Variants in CREB3L2 observed in about 807,000 individuals in gnomAD.
CREB3L2 encodes the protein cAMP responsive element binding protein 3 like 2.
Under a neutral mutation model 57.2 loss-of-function variants are expected in CREB3L2, and 23 were observed. The ratio of observed to expected loss-of-function variants is 0.40; its 90% CI spans 0.29 to 0.57. The LOEUF is 0.57. Ranked by LOEUF, CREB3L2 falls within the 20% of genes least tolerant of loss-of-function variation. The pLI is 0.42. For synonymous variants in CREB3L2, 268 were observed against 265.1 expected (o/e 1.01, Z -0.11); for missense variants, 628 against 634.7 (o/e 0.99, Z 0.11).
chr7:137,916,777 AGAGT>A (rs1800144761), intron 2 of CREB3L2, among the ~76,000 whole-genome samples: 1 of 150,798 alleles, frequency 6.6e-6, no homozygotes, highest in Non-Finnish European at 1.5e-5. Flanking sequence ...AGCAAGAGTG[AGAGT>A]GAGAGTGAGA....
At chr7:137,992,706 C>G (rs1454109300) in intron 1 of CREB3L2, among the ~76,000 whole-genome samples, 1 of 152,226 alleles carries the variant, frequency 6.6e-6, no homozygotes, top group Non-Finnish European at 1.5e-5. Flanking sequence ...TCACATTTAA[C>G]AGCTGGTATG....
chr7:137,949,568 C>A (rs755139265), intron 1 of CREB3L2, among the ~76,000 whole-genome samples: 1 of 152,170 alleles, frequency 6.6e-6, no homozygotes, highest in Non-Finnish European at 1.5e-5. Context: ...CCTCTTCCCA[C>A]ACCCCTTTGA....
At chr7:137,987,826 T>C (rs1468112114) in intron 1 of CREB3L2, among the ~76,000 whole-genome samples, 1 of 152,172 alleles carries the variant, frequency 6.6e-6, no homozygotes, top group Non-Finnish European at 1.5e-5. Flanking sequence ...GCTGGGACTA[T>C]AGACATAAGC....
At position 137,925,134 on chromosome 7, in the gene CREB3L2, A is replaced by C. The variant is rs564567494; in HGVS notation, c.319+3016T>G. 4.6e-5 allele frequency among the ~76,000 whole-genome samples: 7 copies of C among 152,240 alleles called. No individual in the cohort carries two copies. In the South Asian group the frequency reaches 1.5e-3, roughly 32 times the overall value. ...AGGATGGAGGGAGGAAGGGAAAGTT[A>C]GGAGGAAAAGGGCAAAGGAGGAAGA... On this transcript the variant is annotated intron_variant, in intron 2 of 11. Transcript: ENST00000330387.
intron 1 of CREB3L2, among the ~76,000 whole-genome samples, chr7:137,973,411 C>T (rs1458153106): frequency 2.0e-5 from 3 of 152,000 alleles, no homozygotes; most frequent in Non-Finnish European, 4.4e-5. Flanking sequence ...GACAGCGGCC[C>T]ACCGGCGCCT....
At chr7:137,969,761 A>AACACAC (rs66931280) in intron 1 of CREB3L2, among the ~76,000 whole-genome samples, 1,325 of 103,644 alleles carry the variant, frequency 0.013, 33 homozygotes, top group African/African-American at 0.036. Flanking sequence ...AGGGTCATCA[A>AACACAC]ACACACACAC....
At chr7:137,965,343 G>A (rs1436449838) in intron 1 of CREB3L2, among the ~76,000 whole-genome samples, 5 of 152,198 alleles carry the variant, frequency 3.3e-5, no homozygotes, top group South Asian at 2.1e-4. Flanking sequence ...ATTTACACTC[G>A]TTGAGGAAAA....
intron 2 of CREB3L2, among the ~76,000 whole-genome samples, chr7:137,920,310 C>A (rs1800245720): frequency 6.6e-6 from 1 of 152,108 alleles, no homozygotes. Context: ...TGTAGTTTTG[C>A]CATCAGCATG....
At chr7:137,885,975 T>C (rs1482213281) in intron 8 of CREB3L2, among the ~76,000 whole-genome samples, 3 of 152,172 alleles carry the variant, frequency 2.0e-5, no homozygotes, top group Non-Finnish European at 4.4e-5. Context: ...ATTCGTGCCC[T>C]TATAAGGAGC....
rs917231419 is a variant in CREB3L2 at position 137,877,376 on chromosome 7, T to C, written c.*3100A>G. ...GAGCAACCTAGTTCAGCTGTCGGAT[T>C]TTTATATAACACTCTCTTTATGTGA... On this transcript the variant is annotated 3_prime_UTR_variant, in exon 12 of 12. Coordinates refer to ENST00000330387, the MANE Select transcript of CREB3L2 (RefSeq NM_194071.4). 17 of 226,746 alleles carry C rather than the reference T, an allele frequency of 7.5e-5. No individual in the cohort carries two copies. The Admixed American group carries it at 8.0e-4, about 11-fold the overall frequency. 14.0% of individuals were successfully genotyped at this position (226,746 alleles called of 1,614,324 possible).
In CREB3L2 at chr7:138,001,983, G is replaced by A; in HGVS notation, c.-278C>T. ...AGCGGGATGTGCATCCAAAATGAAG[G>A]CAGAAGACCCGCTCTCATCCCAGGA... On this transcript the variant is annotated 5_prime_UTR_variant, in exon 1 of 12. Transcript: ENST00000330387. This position sits in a 1 kb window ranked among gnomAD's most constrained non-coding sequence, Gnocchi z 4.2. 2.5e-6 allele frequency: 1 copy of A among 407,952 alleles called. No homozygotes were observed. The highest frequency in any genetic ancestry group is 4.4e-5 in the South Asian group (1 of 22,762). 25.3% of individuals were successfully genotyped at this position (407,952 alleles called of 1,614,324 possible). A position where few individuals can be genotyped will look rare whatever the true frequency, so the allele number is the denominator to read the frequency against.
intron 1 of CREB3L2, among the ~76,000 whole-genome samples, chr7:137,951,723 C>CTGTA (rs1203884907): frequency 6.6e-6 from 1 of 152,206 alleles, no homozygotes; most frequent in Non-Finnish European, 1.5e-5. Flanking sequence ...TGGCTCATGC[C>CTGTA]TGTAACCCCT....
intron 1 of CREB3L2, among the ~76,000 whole-genome samples, chr7:137,932,370 A>G (rs1296557928): frequency 1.3e-5 from 2 of 152,204 alleles, no homozygotes; most frequent in Non-Finnish European, 2.9e-5. Context: ...ATAAATAAAT[A>G]AAAACATACA....
At chr7:137,941,392 C>T (rs758795072) in intron 1 of CREB3L2, among the ~76,000 whole-genome samples, 30 of 152,220 alleles carry the variant, frequency 2.0e-4, no homozygotes, top group Non-Finnish European at 4.1e-4. Context: ...TTCTTATCTC[C>T]ATCGTGGCCA....
At chr7:137,902,108 C>A (rs1489558192) in intron 7 of CREB3L2, among the ~76,000 whole-genome samples, 3 of 141,734 alleles carry the variant, frequency 2.1e-5, no homozygotes, top group Non-Finnish European at 4.5e-5. Flanking sequence ...ACAGAAGAGT[C>A]ACTTGAACCT....
chr7:137,896,841 C>G (rs1023255754), intron 8 of CREB3L2, among the ~76,000 whole-genome samples: 4 of 152,162 alleles, frequency 2.6e-5, no homozygotes, highest in African/African-American at 9.7e-5. Flanking sequence ...ACTTGTTCTG[C>G]TTTGTAAGTA....
intron 2 of CREB3L2, among the ~76,000 whole-genome samples, chr7:137,924,910 A>G (rs150132493): frequency 6.6e-6 from 1 of 152,302 alleles, no homozygotes; most frequent in Non-Finnish European, 1.5e-5. Context: ...TAGAACAGTT[A>G]TTTTTAACTT....
At position 137,879,940 on chromosome 7, in the gene CREB3L2, G is replaced by A. The variant is rs796593504; in HGVS notation, c.*536C>T. The A allele has an allele frequency of 2.5e-5, 6 of 237,122 alleles. No homozygotes were observed. Among genetic ancestry groups the A allele is most frequent in the East Asian group, 6.0e-5 (1 of 16,596 alleles). 14.7% of individuals were successfully genotyped at this position (237,122 alleles called of 1,614,324 possible). ...GCCTGCCAGTGCTGCTGCAGGAGAC[G>A]AGACGATCCAGCGAGGGCTCCCAGG... is the stretch of plus-strand genomic sequence containing the variant. On this transcript the variant is annotated 3_prime_UTR_variant, in exon 12 of 12. Transcript: ENST00000330387.
At chr7:137,916,142 T>G (rs1284931493) in intron 2 of CREB3L2, 130 bp from the exon 3 acceptor site, 4 of 627,350 alleles carry the variant, frequency 6.4e-6, no homozygotes, top group Non-Finnish European at 1.1e-5. Context: ...TAAAAGAAAA[T>G]GAAATATGTG....
Sources: allele counts gnomAD v4.1 joint callset (sites outside exome capture counted in the v4.1 genomes callset), GRCh38; gene constraint gnomAD v4.1.1; non-coding constraint Gnocchi (gnomAD v3.1); transcripts MANE v1.5; gene names NCBI Gene and HGNC (gene_info 2026-07-23, HGNC 2026-07-21).